ZNF740: variants seen among roughly 807,000 people sequenced by gnomAD.
The protein encoded by ZNF740 is zinc finger protein 740, also known as oriLyt TD-element-binding protein 7.
ZNF740 carries 14 observed loss-of-function variants against 24.8 expected under a neutral mutation model. The ratio of observed to expected loss-of-function variants is 0.56; its 90% CI spans 0.37 to 0.88. The LOEUF is 0.88. Ranked by LOEUF, ZNF740 falls within the 40% of genes least tolerant of loss-of-function variation. The probability of loss-of-function intolerance (pLI) is 0.00; values close to 1 mark genes in which losing one functional copy is unlikely to be tolerated. For missense variants in ZNF740, 201 were observed against 247.9 expected (o/e 0.81, Z 1.27); for synonymous variants, 69 against 84.0 (o/e 0.82, Z 0.98).
intron 1 of ZNF740, chr12:53,181,375 G>A (rs1335868763): frequency 2.0e-6 from 2 of 985,294 alleles, no homozygotes; most frequent in Non-Finnish European, 2.4e-6. Context: ...CGGCCCACTG[G>A]GCACAAAAGC....
rs1201892356 is a variant in ZNF740, at chr12:53,184,980, C to A, written c.99C>A (p.Ser33Arg). 3.1e-6 allele frequency: 5 copies of A among 1,613,904 alleles called. No homozygotes were observed. Among genetic ancestry groups the A allele is most frequent in the Non-Finnish European group, 4.2e-6 (5 of 1,179,904 alleles). The change falls in exon 3 of 7, where the codon AGC becomes AGA. Residue 33 changes from serine (S) to arginine (R), a missense_variant. This residue lies in a region of ZNF740 where 117 missense variants were observed against 122.3 expected (regional missense o/e 0.96). Coordinates refer to ENST00000416904, the MANE Select transcript of ZNF740 (RefSeq NM_001004304.4). Reference sequence around the variant, plus strand: ...AGATGATGCTGAGCCAGATTGCCAGCAAGCAGGCCGAGAATGGCGAGCGGG... The same window carrying A: ...AGATGATGCTGAGCCAGATTGCCAGAAAGCAGGCCGAGAATGGCGAGCGGG... ...SKKMMLSQIA[S>R]KQAENGERAG...
Position 53,189,912 on chromosome 12 carries a change from T to G in ZNF740, c.*2322T>G, listed in dbSNP as rs1941897966. 1 of 152,026 alleles carries G rather than the reference T, an allele frequency of 6.6e-6. No homozygotes were observed. The highest frequency in any genetic ancestry group is 1.5e-5 in the Non-Finnish European group (1 of 68,010). 9.4% of individuals were successfully genotyped at this position (152,026 alleles called of 1,614,324 possible). A position where few individuals can be genotyped will look rare whatever the true frequency, so the allele number is the denominator to read the frequency against. The stretch of plus-strand genomic sequence containing the variant: ...CTAGTCTCTTTGGGATAGGGGTGTA[T>G]GTGGAGAGATTCATGTAAGTCTCAC... On this transcript the variant is annotated 3_prime_UTR_variant, in exon 7 of 7. Coordinates refer to ENST00000416904, the MANE Select transcript of ZNF740 (RefSeq NM_001004304.4).
At position 53,193,570 on chromosome 12, in the gene ZNF740, T is replaced by C. The variant is rs1443415879; in HGVS notation, c.*5980T>C. 4.7e-6 allele frequency: 4 copies of C among 842,818 alleles called. No individual in the cohort carries two copies. Among genetic ancestry groups the C allele is most frequent in the Non-Finnish European group, 7.3e-6 (4 of 546,436 alleles). The allele number at this position is 842,818 out of a possible 1,614,324, so 52.2% of individuals were successfully genotyped here. A position where few individuals can be genotyped will look rare whatever the true frequency, so the allele number is the denominator to read the frequency against. ...GAGGGCCTGGACATACATGGGAAGC[T>C]TCAAGGGATGAAACTGAGTGGGGAG... On this transcript the variant is annotated 3_prime_UTR_variant, in exon 7 of 7. Transcript: ENST00000416904.
rs969587505 is a variant in ZNF740 at position 53,185,806 on chromosome 12, C to T, written c.250-148C>T. Reference sequence around the variant, plus strand: ...ACCTCCTTCCCCAAAGGGTCTCTTACCTCCATGGAGTACAGGAGATGGCAG... The same window carrying T: ...ACCTCCTTCCCCAAAGGGTCTCTTATCTCCATGGAGTACAGGAGATGGCAG... On this transcript the variant is annotated intron_variant, in intron 4 of 6. Coordinates refer to ENST00000416904, the MANE Select transcript of ZNF740 (RefSeq NM_001004304.4). The T allele has an allele frequency of 6.3e-6, 7 of 1,114,990 alleles. No homozygotes were observed. In the South Asian group the frequency reaches 1.0e-4, roughly 16 times the overall value. The allele number at this position is 1,114,990 out of a possible 1,614,324, so 69.1% of individuals were successfully genotyped here.
chr12:53,194,240 A>T lies in ZNF740; in HGVS notation c.*6650A>T, dbSNP rs767095135. The T allele has an allele frequency of 6.2e-7, 1 of 1,613,868 alleles. No homozygotes were observed. Among genetic ancestry groups the T allele is most frequent in the African/African-American group, 1.3e-5 (1 of 74,890 alleles). ...CGTGGTTGCACTGTCCTCGATCCTC[A>T]GCCTTACCCTCCCTCTTCTCAGGAC... On this transcript the variant is annotated 3_prime_UTR_variant, in exon 7 of 7. Coordinates refer to ENST00000416904, the MANE Select transcript of ZNF740 (RefSeq NM_001004304.4).
chr12:53,187,804 AC>A lies in ZNF740; in HGVS notation c.*215del. ...CTATGAGTATCTCGGGGAAGTTCTT[AC>A]AGCATTCCTGGGTAGGGGAGCTAGT... On this transcript the variant is annotated 3_prime_UTR_variant, in exon 7 of 7. Transcript: ENST00000416904. 1.8e-6 allele frequency: 1 copy of A among 547,304 alleles called. No homozygotes were observed. The highest frequency in any genetic ancestry group is 2.0e-5 in the South Asian group (1 of 49,634). 33.9% of individuals were successfully genotyped at this position (547,304 alleles called of 1,614,324 possible). A position where few individuals can be genotyped will look rare whatever the true frequency, so the allele number is the denominator to read the frequency against.
In ZNF740 at chr12:53,180,991, G is replaced by T. The variant is rs114302138; in HGVS notation, c.-308+154G>T. 5,590 of 817,040 alleles carry T rather than the reference G, an allele frequency of 6.8e-3. 313 individuals carry two copies. The African/African-American group carries it at 0.1, about 15-fold the overall frequency. The allele number at this position is 817,040 out of a possible 1,614,324, so 50.6% of individuals were successfully genotyped here. ...GGATCTCCGGGGGAGGGAGGGGAAAGGCCGTGCGCGCACACCGCCCCCTGC... is the reference window on the plus strand; with the variant it reads ...GGATCTCCGGGGGAGGGAGGGGAAATGCCGTGCGCGCACACCGCCCCCTGC... On this transcript the variant is annotated intron_variant, in intron 1 of 6. Coordinates refer to ENST00000416904, the MANE Select transcript of ZNF740 (RefSeq NM_001004304.4).
At chr12:53,184,407 C>T (rs1385798817) in intron 2 of ZNF740, among the ~76,000 whole-genome samples, 1 of 152,090 alleles carries the variant, frequency 6.6e-6, no homozygotes, top group African/African-American at 2.4e-5. Flanking sequence ...AGGCTTGTCT[C>T]GAACTCCTGA....
At chr12:53,184,421 C>G (rs755534511) in intron 2 of ZNF740, among the ~76,000 whole-genome samples, 34 of 152,178 alleles carry the variant, frequency 2.2e-4, no homozygotes, top group Non-Finnish European at 4.3e-4. Flanking sequence ...CTCCTGACTT[C>G]GTGATCCGCC....
At position 53,184,952 on chromosome 12, in the gene ZNF740, A is replaced by C. The variant is rs200334932; in HGVS notation, c.71A>C (p.Lys24Thr). The change falls in exon 3 of 7, where the codon AAG (lysine) becomes ACG (threonine). Residue 24 changes from lysine to threonine, a missense_variant. Lys to Thr is a moderately conservative substitution (Grantham distance 78, BLOSUM62 -1). Transcript: ENST00000416904. ...AGTTTGGTTCCCACTGCAGCCAGCA[A>C]GAAGATGATGCTGAGCCAGATTGCC... Reference protein sequence around the residue: ...GVSLVPTAASKKMMLSQIASK... With the variant: ...GVSLVPTAASTKMMLSQIASK... 8.5e-5 allele frequency: 137 copies of C among 1,613,990 alleles called. No individual in the cohort carries two copies. In the African/African-American group the frequency reaches 1.2e-3, roughly 14 times the overall value.
Position 53,191,641 on chromosome 12 carries a change from A to T in ZNF740, c.*4051A>T, listed in dbSNP as rs1196323341. 6.2e-7 allele frequency: 1 copy of T among 1,612,072 alleles called. No homozygotes were observed. On this transcript the variant is annotated 3_prime_UTR_variant, in exon 7 of 7. Transcript: ENST00000416904. The stretch of plus-strand genomic sequence containing the variant: ...TTTGTAGAGAGGATTACTGTCCTGG[A>T]GAAAGATGTTGCAGATTATAAGCAA...
At chr12:53,181,185 T>A in intron 1 of ZNF740, 2 of 985,406 alleles carry the variant, frequency 2.0e-6, no homozygotes, top group Non-Finnish European at 2.4e-6. Context: ...CGCGCCGGGC[T>A]TCGCCTGCCT....
At position 53,193,605 on chromosome 12, in the gene ZNF740, CGAG is replaced by C; in HGVS notation, c.*6019_*6021del. The stretch of plus-strand genomic sequence containing the variant: ...GAAACTGAGTGGGGAGTCGGGATGT[CGAG>C]GAGACTCCTGTGGGGGGGATGGAAA... On this transcript the variant is annotated 3_prime_UTR_variant, in exon 7 of 7. Transcript: ENST00000416904. 1.9e-6 allele frequency: 2 copies of C among 1,052,752 alleles called. No homozygotes were observed. The highest frequency in any genetic ancestry group is 2.7e-6 in the Non-Finnish European group (2 of 732,870). 65.2% of individuals were successfully genotyped at this position (1,052,752 alleles called of 1,614,324 possible).
rs762378069 is a variant in ZNF740 at position 53,188,918 on chromosome 12, G to A, written c.*1328G>A. 1.3e-5 allele frequency: 2 copies of A among 152,200 alleles called. No individual in the cohort carries two copies. The highest frequency in any genetic ancestry group is 2.9e-5 in the Non-Finnish European group (2 of 68,050). The allele number at this position is 152,200 out of a possible 1,614,324, so 9.4% of individuals were successfully genotyped here. A position where few individuals can be genotyped will look rare whatever the true frequency, so the allele number is the denominator to read the frequency against. ...TGTGTGTGTGTGAGAGAGAGTGTGT[G>A]TGAGATATGAATGCATGTATTTGTA... On this transcript the variant is annotated 3_prime_UTR_variant, in exon 7 of 7. Coordinates refer to ENST00000416904, the MANE Select transcript of ZNF740 (RefSeq NM_001004304.4).
At chr12:53,185,341 A>G in intron 3 of ZNF740, 46 bp from the exon 4 acceptor site, 1 of 1,588,072 alleles carries the variant, frequency 6.3e-7, no homozygotes, top group Non-Finnish European at 8.6e-7. Flanking sequence ...GTCTCATCTC[A>G]TGTTCCGAGA....
Position 53,192,722 on chromosome 12 carries a change from G to A in ZNF740, c.*5132G>A, listed in dbSNP as rs1181136701. On this transcript the variant is annotated 3_prime_UTR_variant, in exon 7 of 7. Transcript: ENST00000416904. ...CTCTCGCATGGTGTCTTGCAGCCTG[G>A]GCATTGGTCGCATAGAGCACCATAG... 1 of 1,614,150 alleles carries A rather than the reference G, an allele frequency of 6.2e-7. No individual in the cohort carries two copies. The highest frequency in any genetic ancestry group is 8.5e-7 in the Non-Finnish European group (1 of 1,180,024).
chr12:53,180,747 G>A lies in ZNF740; in HGVS notation c.-398G>A. 1 of 1,266,674 alleles carries A rather than the reference G, an allele frequency of 7.9e-7. No individual in the cohort carries two copies. The highest frequency in any genetic ancestry group is 1.0e-6 in the Non-Finnish European group (1 of 978,144). 78.5% of individuals were successfully genotyped at this position (1,266,674 alleles called of 1,614,324 possible). On this transcript the variant is annotated 5_prime_UTR_variant, in exon 1 of 7. Coordinates refer to ENST00000416904, the MANE Select transcript of ZNF740 (RefSeq NM_001004304.4). ...GTAAACTTGCCTCGGTCCCGGTGGG[G>A]GCAGCCGCGGCGGTGGGGTTGGCAG... is the stretch of plus-strand genomic sequence containing the variant.
rs952288418 is a variant in ZNF740, at chr12:53,193,806, C to T, written c.*6216C>T. On this transcript the variant is annotated 3_prime_UTR_variant, in exon 7 of 7. Transcript: ENST00000416904. ...TACAGTCACACAGCGTGTGCAACTC[C>T]ACAATCAGCTCCTCTGAGAAGCCAA... is the stretch of plus-strand genomic sequence containing the variant. 10 of 1,613,940 alleles carry T rather than the reference C, an allele frequency of 6.2e-6. No homozygotes were observed. The highest frequency in any genetic ancestry group is 2.7e-5 in the African/African-American group (2 of 74,874).
At position 53,192,931 on chromosome 12, in the gene ZNF740, G is replaced by A. The variant is rs1173720352; in HGVS notation, c.*5341G>A. ...AAAGCCTGGGGTAGAGCCATGCAGA[G>A]GGTGACAACCATACTCCACACACAC... On this transcript the variant is annotated 3_prime_UTR_variant, in exon 7 of 7. Coordinates refer to ENST00000416904, the MANE Select transcript of ZNF740 (RefSeq NM_001004304.4). The A allele has an allele frequency of 4.4e-6, 7 of 1,608,774 alleles. No homozygotes were observed. Among genetic ancestry groups the A allele is most frequent in the Non-Finnish European group, 6.0e-6 (7 of 1,175,864 alleles).
Sources: gnomAD v4.1 joint callset for allele counts (sites outside exome capture counted in the v4.1 genomes callset) on GRCh38, gnomAD v4.1.1 for gene constraint, gnomAD v4.1.1 regional missense constraint, MANE v1.5 for transcripts, NCBI Gene and HGNC (gene_info 2026-07-23, HGNC 2026-07-21) for gene names.